LMBR1: variants seen among roughly 807,000 people sequenced by gnomAD.
LMBR1 encodes limb development membrane protein 1, also known as limb region 1 protein homolog.
A neutral mutation model predicts 73.9 loss-of-function variants in LMBR1; 52 were observed. That is an observed-to-expected ratio of 0.70 (90% CI 0.56 to 0.89). The LOEUF is 0.89. LMBR1 is among the 40% of genes least tolerant of loss of function. The pLI is 0.00. For synonymous variants in LMBR1, 215 were observed against 209.4 expected (o/e 1.03, Z -0.23); for missense variants, 539 against 579.8 (o/e 0.93, Z 0.72).
chr7:156,845,208 T>C (rs1839396269), intron 1 of LMBR1, among the ~76,000 whole-genome samples: 1 of 152,120 alleles, frequency 6.6e-6, no homozygotes, highest in African/African-American at 2.4e-5. Flanking sequence ...AATAAAAAAT[T>C]AAAAATAACA....
chr7:156,723,332 G>GC (rs148447701), intron 15 of LMBR1, among the ~76,000 whole-genome samples: 4,011 of 152,170 alleles, frequency 0.026, 179 homozygotes, highest in African/African-American at 0.092. Context: ...TTTGTTATGA[G>GC]CAAGTAGCTA....
intron 4 of LMBR1, among the ~76,000 whole-genome samples, chr7:156,671,328 G>C (rs371342070): frequency 6.6e-6 from 1 of 152,058 alleles, no homozygotes; most frequent in East Asian, 1.9e-4. Context: ...AACGCGAACA[G>C]TGTGTGTGTG....
At chr7:156,858,195 C>T (rs1028310229) in intron 1 of LMBR1, among the ~76,000 whole-genome samples, 4 of 151,652 alleles carry the variant, frequency 2.6e-5, no homozygotes, top group African/African-American at 9.7e-5. Flanking sequence ...AACCTCTAGC[C>T]AGGCCAACCA....
At chr7:156,714,516 T>C (rs2132236084) in intron 15 of LMBR1, among the ~76,000 whole-genome samples, 1 of 152,342 alleles carries the variant, frequency 6.6e-6, no homozygotes, top group South Asian at 2.1e-4. Flanking sequence ...AGGTTTGGAA[T>C]GGCACGAGAC....
At chr7:156,866,757 C>T (rs989600717) in intron 1 of LMBR1, among the ~76,000 whole-genome samples, 5 of 152,068 alleles carry the variant, frequency 3.3e-5, no homozygotes, top group African/African-American at 9.7e-5. Flanking sequence ...GCGCCCGCCA[C>T]TGCACCCAGC....
chr7:156,746,692 A>G (rs920338903), intron 9 of LMBR1, among the ~76,000 whole-genome samples: 2 of 152,210 alleles, frequency 1.3e-5, no homozygotes, highest in Middle Eastern at 6.8e-3. Flanking sequence ...GGACAAGACC[A>G]CTCTTTATTA....
intron 5 of LMBR1, among the ~76,000 whole-genome samples, chr7:156,776,641 A>G (rs865955188): frequency 2.0e-5 from 3 of 151,902 alleles, no homozygotes; most frequent in Non-Finnish European, 4.4e-5. Context: ...GTTCCCTCCT[A>G]ATCCTTCCAA....
chr7:156,839,003 C>CATCT (rs1210340964), intron 1 of LMBR1, among the ~76,000 whole-genome samples: 1 of 150,386 alleles, frequency 6.6e-6, no homozygotes, highest in African/African-American at 2.4e-5. Context: ...ACCTATTGGC[C>CATCT]ATCTGTATGT....
chr7:156,802,098 T>G (rs535525076), intron 4 of LMBR1, among the ~76,000 whole-genome samples: 1 of 152,270 alleles, frequency 6.6e-6, no homozygotes, highest in African/African-American at 2.4e-5. Flanking sequence ...TTCTCCTGCC[T>G]CAGCCTCCTG....
At chr7:156,828,230 A>G (rs1299919236) in intron 3 of LMBR1, among the ~76,000 whole-genome samples, 1 of 152,156 alleles carries the variant, frequency 6.6e-6, no homozygotes, top group African/African-American at 2.4e-5. Flanking sequence ...ACCCCCTCAT[A>G]GCCCAAACAT....
At chr7:156,718,738 G>GA (rs979432630) in intron 15 of LMBR1, among the ~76,000 whole-genome samples, 1 of 152,008 alleles carries the variant, frequency 6.6e-6, no homozygotes, top group South Asian at 2.1e-4. Context: ...ATCTGTTTCA[G>GA]AAAAAAGAAA....
At chr7:156,713,909 T>C (rs1361846137) in intron 15 of LMBR1, among the ~76,000 whole-genome samples, 2 of 152,174 alleles carry the variant, frequency 1.3e-5, no homozygotes, top group Admixed American at 1.3e-4. Flanking sequence ...TGTTTTTGTG[T>C]TATAAGTTAA....
At chr7:156,676,407 T>C (rs1482862601), downstream of LMBR1, 9 of 1,613,958 alleles carry the variant, frequency 5.6e-6, no homozygotes, top group Non-Finnish European at 7.6e-6. Context: ...CTTCCCGTCC[T>C]GTGTGCCGCA....
intron 9 of LMBR1, among the ~76,000 whole-genome samples, chr7:156,743,053 T>A (rs943917262): frequency 1.8e-4 from 27 of 152,272 alleles, no homozygotes; most frequent in Admixed American, 1.2e-3. Context: ...CATCCCTTCA[T>A]GATACAAACC....
intron 1 of LMBR1, among the ~76,000 whole-genome samples, chr7:156,888,319 A>G (rs1480506896): frequency 6.6e-6 from 1 of 150,970 alleles, no homozygotes; most frequent in Non-Finnish European, 1.5e-5. Context: ...CTGAGGCAGG[A>G]GAATGGCATG....
chr7:156,741,055 T>C (rs1585490835), intron 9 of LMBR1, among the ~76,000 whole-genome samples: 1 of 140,708 alleles, frequency 7.1e-6, no homozygotes, highest in Non-Finnish European at 1.6e-5. Context: ...TTTTTGCTTG[T>C]TTGTTTTTGC....
At chr7:156,761,848 G>C (rs1481690100) in intron 8 of LMBR1, among the ~76,000 whole-genome samples, 1 of 151,766 alleles carries the variant, frequency 6.6e-6, no homozygotes, top group African/African-American at 2.4e-5. Flanking sequence ...AAGGTGGCAG[G>C]GGCCTGTAGT....
At chr7:156,675,268 C>T (rs1376201930), downstream of LMBR1, among the ~76,000 whole-genome samples, 2 of 152,232 alleles carry the variant, frequency 1.3e-5, no homozygotes, top group African/African-American at 4.8e-5. Context: ...CGGTGGGAAC[C>T]ACGGCAAGGC....
At chr7:156,827,513 G>A (rs993532916) in intron 3 of LMBR1, among the ~76,000 whole-genome samples, 2 of 151,994 alleles carry the variant, frequency 1.3e-5, no homozygotes, top group Admixed American at 1.3e-4. Flanking sequence ...GGATTATAAG[G>A]TGCTTTCACC....
Sources: allele counts gnomAD v4.1 joint callset (sites outside exome capture counted in the v4.1 genomes callset), GRCh38; gene constraint gnomAD v4.1.1; transcripts MANE v1.5; gene names NCBI Gene and HGNC (gene_info 2026-07-23, HGNC 2026-07-21).